Variants in ELMOD1 observed in about 807,000 individuals in gnomAD.
ELMOD1 encodes the protein ELMO domain-containing protein 1.
In ELMOD1, 21 loss-of-function variants were observed where a neutral mutation model predicts 46.7. The ratio of observed to expected loss-of-function variants is 0.45; its 90% CI spans 0.32 to 0.65. ELMOD1 has a LOEUF of 0.65. Among genes scored for constraint, ELMOD1 ranks in the 30% least tolerant of loss-of-function variants. ELMOD1 has a pLI of 0.04. For missense variants in ELMOD1, 348 were observed against 407.8 expected (o/e 0.85, Z 1.26); for synonymous variants, 122 against 138.2 (o/e 0.88, Z 0.82).
chr11:107,649,996 G>A (rs1866497329), intron 7 of ELMOD1, among the ~76,000 whole-genome samples: 1 of 152,124 alleles, frequency 6.6e-6, no homozygotes, highest in South Asian at 2.1e-4. Flanking sequence ...GCCTTCTGAA[G>A]GCCTCCAAAC....
intron 6 of ELMOD1, among the ~76,000 whole-genome samples, chr11:107,647,162 C>T (rs926090651): frequency 9.9e-5 from 15 of 152,138 alleles, no homozygotes; most frequent in African/African-American, 2.9e-4. Context: ...GGCAAATAAC[C>T]TCTTCTTTTA....
At chr11:107,648,768 T>TTC (rs1264608631) in intron 7 of ELMOD1, among the ~76,000 whole-genome samples, 1 of 151,632 alleles carries the variant, frequency 6.6e-6, no homozygotes, top group Non-Finnish European at 1.5e-5. Flanking sequence ...GTGTCAATTT[T>TTC]TTTTTTTTGC....
rs565264059 is a variant in ELMOD1, at chr11:107,658,471, T to C, written c.832+2405T>C. On this transcript the variant is annotated intron_variant, in intron 11 of 11. Coordinates refer to ENST00000265840, the MANE Select transcript of ELMOD1 (RefSeq NM_018712.4). ...TTCTGAGCATCTCCAACAAATATGA[T>C]TGAGATTTTACTATAGATTAGGTTC... Among the ~76,000 whole-genome samples, 408 of 152,276 alleles carry C rather than the reference T, an allele frequency of 2.7e-3. 4 individuals carry two copies. Among genetic ancestry groups the C allele is most frequent in the Non-Finnish European group, 2.2e-3 (153 of 68,022 alleles).
intron 1 of ELMOD1, among the ~76,000 whole-genome samples, chr11:107,597,230 A>G (rs904595509): frequency 6.6e-6 from 1 of 152,230 alleles, no homozygotes; most frequent in Non-Finnish European, 1.5e-5. Flanking sequence ...CTCTTAGCCC[A>G]GAACAAGCAC....
chr11:107,625,581 C>T (rs77849668), intron 2 of ELMOD1: 18,701 of 984,748 alleles, frequency 0.019, 208 homozygotes, highest in South Asian at 0.068. Flanking sequence ...TGGTTTTAGG[C>T]GCATTTCCTG....
At chr11:107,650,292 TA>T in intron 7 of ELMOD1, 42 bp from the exon 8 acceptor site, 1 of 1,382,544 alleles carries the variant, frequency 7.2e-7, no homozygotes, top group Non-Finnish European at 1.0e-6. Flanking sequence ...ATTCAGCGAG[TA>T]AGCAAGTATA....
chr11:107,657,319 A>C (rs1330868811), intron 11 of ELMOD1, among the ~76,000 whole-genome samples: 4 of 152,162 alleles, frequency 2.6e-5, no homozygotes, highest in Admixed American at 1.3e-4. Flanking sequence ...TGAGGCGGGA[A>C]GATTACTTGA....
intron 1 of ELMOD1, among the ~76,000 whole-genome samples, chr11:107,599,369 T>C (rs995311606): frequency 2.0e-5 from 3 of 152,164 alleles, no homozygotes; most frequent in African/African-American, 7.2e-5. Flanking sequence ...TCTACCATAT[T>C]TTACTGAATC....
At chr11:107,627,311 A>G (rs952353194) in intron 2 of ELMOD1, among the ~76,000 whole-genome samples, 16 of 152,216 alleles carry the variant, frequency 1.1e-4, no homozygotes, top group Admixed American at 7.9e-4. Context: ...TTCATAATTC[A>G]AATGTGCACA....
At chr11:107,633,433 A>AT (rs891869862) in intron 5 of ELMOD1, among the ~76,000 whole-genome samples, 25 of 152,158 alleles carry the variant, frequency 1.6e-4, no homozygotes, top group African/African-American at 5.5e-4. Context: ...TTATTTATTT[A>AT]TTTTAATCTT....
At chr11:107,629,211 TAAGGA>T (rs1282292846) in intron 2 of ELMOD1, among the ~76,000 whole-genome samples, 2 of 152,202 alleles carry the variant, frequency 1.3e-5, no homozygotes, top group African/African-American at 4.8e-5. Flanking sequence ...CAGAGCAATT[TAAGGA>T]AAGGAACACG....
rs1186609171 is a variant in ELMOD1 at position 107,665,231 on chromosome 11, C to T, written c.*34C>T. On this transcript the variant is annotated 3_prime_UTR_variant, in exon 12 of 12. Transcript: ENST00000265840. ...GCCGGTTTTAATGGATACCCTGGAACACTGCCTCATTGTCTTGTTAGATCT... is the reference window on the plus strand; with the variant it reads ...GCCGGTTTTAATGGATACCCTGGAATACTGCCTCATTGTCTTGTTAGATCT... 1 of 1,603,058 alleles carries T rather than the reference C, an allele frequency of 6.2e-7. No individual in the cohort carries two copies. Among genetic ancestry groups the T allele is most frequent in the Non-Finnish European group, 8.5e-7 (1 of 1,172,954 alleles).
chr11:107,629,571 T>C (rs1866101394), intron 2 of ELMOD1, among the ~76,000 whole-genome samples: 1 of 152,208 alleles, frequency 6.6e-6, no homozygotes, highest in Admixed American at 6.5e-5. Flanking sequence ...TCATAAAAGA[T>C]GGACTTACAT....
chr11:107,662,038 A>C (rs1335355979), intron 11 of ELMOD1, among the ~76,000 whole-genome samples: 1 of 152,248 alleles, frequency 6.6e-6, no homozygotes, highest in Non-Finnish European at 1.5e-5. Context: ...AGAAAAGCTC[A>C]GGGCATAAAG....
Position 107,666,006 on chromosome 11 carries a change from TAAATAAATA to T in ELMOD1, c.*815_*823del. 7.0e-6 allele frequency: 1 copy of T among 142,622 alleles called. No individual in the cohort carries two copies. The highest frequency in any genetic ancestry group is 1.6e-5 in the Non-Finnish European group (1 of 64,264). The allele number at this position is 142,622 out of a possible 1,614,324, so 8.8% of individuals were successfully genotyped here. A position where few individuals can be genotyped will look rare whatever the true frequency, so the allele number is the denominator to read the frequency against. ...ATAAATAAATAAATAAATAAATAAATAAATAAATAAAATAGTACAGACAGACACATGATA... is the reference window on the plus strand; with the variant it reads ...ATAAATAAATAAATAAATAAATAAATAAATAGTACAGACAGACACATGATA... On this transcript the variant is annotated 3_prime_UTR_variant, in exon 12 of 12. Transcript: ENST00000265840.
intron 1 of ELMOD1, among the ~76,000 whole-genome samples, chr11:107,601,944 T>C (rs184245858): frequency 6.6e-6 from 1 of 152,284 alleles, no homozygotes; most frequent in Admixed American, 6.5e-5. Context: ...AGAAATCCTT[T>C]CACCTTTCTC....
At chr11:107,623,947 C>T (rs771764516) in intron 2 of ELMOD1, 3 of 152,132 alleles carry the variant, frequency 2.0e-5, no homozygotes, top group Non-Finnish European at 4.4e-5. Context: ...TTCCCCCCAA[C>T]TTATTTCAAA....
intron 2 of ELMOD1, among the ~76,000 whole-genome samples, chr11:107,627,899 G>A (rs1364747191): frequency 6.6e-6 from 1 of 152,114 alleles, no homozygotes; most frequent in African/African-American, 2.4e-5. Flanking sequence ...CTTCCTTTGA[G>A]GTGCAAGCCC....
chr11:107,630,607 A>C (rs773125846), intron 3 of ELMOD1, 45 bp downstream of exon 3: 2 of 1,605,394 alleles, frequency 1.2e-6, no homozygotes, highest in Non-Finnish European at 1.7e-6. Flanking sequence ...AGTTGGTATG[A>C]TGGAAGATAC....
Sources: gnomAD v4.1 joint callset for allele counts (sites outside exome capture counted in the v4.1 genomes callset) on GRCh38, gnomAD v4.1.1 for gene constraint, MANE v1.5 for transcripts, NCBI Gene and HGNC (gene_info 2026-07-23, HGNC 2026-07-21) for gene names.